The following AFDN variants were observed in gnomAD, a reference collection of about 807,000 sequenced individuals.
AFDN encodes the protein afadin, adherens junction formation factor.
Under a neutral mutation model 216.6 loss-of-function variants are expected in AFDN, and 68 were observed. The ratio of observed to expected loss-of-function variants is 0.31; its 90% confidence interval spans 0.26 to 0.38. The LOEUF (loss-of-function observed/expected upper bound fraction) is 0.38, where lower values mean the gene tolerates loss of function less well. Ranked by LOEUF, AFDN falls within the 10% of genes least tolerant of loss-of-function variation. The probability of loss-of-function intolerance (pLI) is 1.00; values close to 1 mark genes in which losing one functional copy is unlikely to be tolerated. For synonymous variants in AFDN, 868 were observed against 853.7 expected (o/e 1.02, Z -0.29); for missense variants, 2,136 against 2,342.0 (o/e 0.91, Z 1.82).
rs143916805 is a variant in AFDN, at chr6:167,862,271, A to G, written c.106-2280A>G. Among the ~76,000 whole-genome samples, 105 of 152,326 alleles carry G rather than the reference A, an allele frequency of 6.9e-4. 2 individuals carry two copies. The highest frequency in any genetic ancestry group is 2.5e-3 in the African/African-American group (102 of 41,580). On this transcript the variant is annotated intron_variant, in intron 1 of 33. Coordinates refer to ENST00000683244, the MANE Select transcript of AFDN (RefSeq NM_001386888.1). ...ACAGTGCGTAGGACGTGGTCAGCACAGTACCTGGCACATAGGCGGTGAGCG... is the reference window on the plus strand; with the variant it reads ...ACAGTGCGTAGGACGTGGTCAGCACGGTACCTGGCACATAGGCGGTGAGCG...
At chr6:167,873,883 C>T (rs921763962) in intron 4 of AFDN, among the ~76,000 whole-genome samples, 2 of 152,104 alleles carry the variant, frequency 1.3e-5, no homozygotes, top group African/African-American at 4.8e-5. Context: ...AACCATTTGT[C>T]AGTGAATAAG....
In AFDN at chr6:167,965,912, C is replaced by G; in HGVS notation, c.5124C>G (p.Pro1708=). 1 of 1,549,964 alleles carries G rather than the reference C, an allele frequency of 6.5e-7. No homozygotes were observed. Among genetic ancestry groups the G allele is most frequent in the East Asian group, 2.4e-5 (1 of 40,886 alleles). Reference sequence around the variant, plus strand: ...AGCCCCCGTCCCCGTCCCCCGCGCCCGGCGCCCCTCCTCCCCCGCCTCAGC... The same window carrying G: ...AGCCCCCGTCCCCGTCCCCCGCGCCGGGCGCCCCTCCTCCCCCGCCTCAGC... The part of the protein sequence containing the change: ...DYEPPSPSPA[P]GAPPPPPQRN... The change falls in exon 32 of 34, where the codon CCC becomes CCG. Residue 1708 remains proline (P), a synonymous_variant. Coordinates refer to ENST00000683244, the MANE Select transcript of AFDN (RefSeq NM_001386888.1).
intron 1 of AFDN, 40 bp from the exon 2 acceptor site, chr6:167,864,511 A>G (rs781315227): frequency 4.5e-6 from 7 of 1,551,926 alleles, no homozygotes; most frequent in Non-Finnish European, 5.3e-6. Flanking sequence ...CCTTTTCAGA[A>G]TGTTGTTTTC....
At chr6:167,842,879 G>T (rs1037761508) in intron 1 of AFDN, among the ~76,000 whole-genome samples, 2 of 152,014 alleles carry the variant, frequency 1.3e-5, no homozygotes, top group Non-Finnish European at 2.9e-5. Context: ...AGCATCTCCA[G>T]TAAAGTTTTA....
intron 31 of AFDN, chr6:167,964,098 A>T (rs1797298940): frequency 9.4e-7 from 1 of 1,063,976 alleles, no homozygotes; most frequent in Non-Finnish European, 1.1e-6. Context: ...TGGGTTATTT[A>T]ATTTTTCCAA....
At chr6:167,897,040 G>T (rs1045808596) in intron 10 of AFDN, 68 bp downstream of exon 10, 16 of 786,598 alleles carry the variant, frequency 2.0e-5, no homozygotes, top group Non-Finnish European at 3.4e-5. Flanking sequence ...TACAGAGCCT[G>T]CCACATGGTA....
At chr6:167,827,270 C>T in intron 1 of AFDN, 33 bp downstream of exon 1, 5 of 946,584 alleles carry the variant, frequency 5.3e-6, no homozygotes, top group South Asian at 4.3e-5. Flanking sequence ...CCTGCGCGAC[C>T]CCCGCCCGCT....
At position 167,906,065 on chromosome 6, in the gene AFDN, T is replaced by C. The variant is rs1194757766; in HGVS notation, c.1651-1106T>C. 3.9e-5 allele frequency among the ~76,000 whole-genome samples: 6 copies of C among 152,250 alleles called. No individual in the cohort carries two copies. In the East Asian group the frequency reaches 1.2e-3, roughly 29 times the overall value. On this transcript the variant is annotated intron_variant, in intron 12 of 33. Transcript: ENST00000683244. The stretch of plus-strand genomic sequence containing the variant: ...TTGCAGTGAGCTGAGATCGCGCCAC[T>C]GCACTCCAGCCTGGGTGACAGAGCG...
intron 30 of AFDN, among the ~76,000 whole-genome samples, chr6:167,959,309 G>A (rs372367161): frequency 1.3e-5 from 2 of 152,210 alleles, no homozygotes; most frequent in African/African-American, 2.4e-5. Flanking sequence ...GGTTTTTCCT[G>A]TGTCATTTAA....
At chr6:167,880,833 A>G (rs1280798665) in intron 6 of AFDN, among the ~76,000 whole-genome samples, 1 of 152,214 alleles carries the variant, frequency 6.6e-6, no homozygotes, top group Non-Finnish European at 1.5e-5. Context: ...ACATATGTCT[A>G]TCTTTTTACC....
chr6:167,877,236 A>G (rs1413600207), intron 5 of AFDN, among the ~76,000 whole-genome samples: 1 of 152,190 alleles, frequency 6.6e-6, no homozygotes, highest in Non-Finnish European at 1.5e-5. Context: ...GATGGACTGT[A>G]GAATGAAAGA....
intron 1 of AFDN, among the ~76,000 whole-genome samples, chr6:167,856,813 T>C (rs1342210277): frequency 6.6e-6 from 1 of 152,134 alleles, no homozygotes; most frequent in African/African-American, 2.4e-5. Flanking sequence ...TGTTTTAGTG[T>C]CATATATATA....
chr6:167,884,929 G>A (rs1583277590), intron 6 of AFDN, among the ~76,000 whole-genome samples: 1 of 152,302 alleles, frequency 6.6e-6, no homozygotes, highest in Non-Finnish European at 1.5e-5. Context: ...TTGAAAATCT[G>A]TTATTTAGTG....
chr6:167,867,480 A>G (rs187104186), intron 2 of AFDN, among the ~76,000 whole-genome samples: 2,948 of 139,730 alleles, frequency 0.021, 55 homozygotes, highest in Non-Finnish European at 0.034. Flanking sequence ...CCCAGGCTGG[A>G]GTGCAGCGGC....
rs1446030327 is a variant in AFDN, at chr6:167,965,843, C to T, written c.5055C>T (p.Pro1685=). 10 of 1,550,492 alleles carry T rather than the reference C, an allele frequency of 6.4e-6. No individual in the cohort carries two copies. Among genetic ancestry groups the T allele is most frequent in the African/African-American group, 1.4e-5 (1 of 73,230 alleles). The change falls in exon 32 of 34, where the codon CCC becomes CCT. Residue 1685 remains proline, a synonymous_variant. Coordinates refer to ENST00000683244, the MANE Select transcript of AFDN (RefSeq NM_001386888.1). ...AGGCGGCGCGCAGGTTGCTGGAGCC[C>T]GAGGCGCCCGGTCTGTGCCGCCCTC... The part of the protein sequence containing the change: ...HDEAARRLLE[P]EAPGLCRPPL...
At position 167,970,215 on chromosome 6, in the gene AFDN, T is replaced by C; in HGVS notation, c.*280T>C. On this transcript the variant is annotated 3_prime_UTR_variant, in exon 34 of 34. Coordinates refer to ENST00000683244, the MANE Select transcript of AFDN (RefSeq NM_001386888.1). ...TTTGTTGGTTTCTTTTTTGGAGTCCTGAGTTCAAAGGGGACAGAACTAAGG... is the reference window on the plus strand; with the variant it reads ...TTTGTTGGTTTCTTTTTTGGAGTCCCGAGTTCAAAGGGGACAGAACTAAGG... 1 of 375,246 alleles carries C rather than the reference T, an allele frequency of 2.7e-6. No homozygotes were observed. 23.2% of individuals were successfully genotyped at this position (375,246 alleles called of 1,614,324 possible). A position where few individuals can be genotyped will look rare whatever the true frequency, so the allele number is the denominator to read the frequency against.
intron 6 of AFDN, among the ~76,000 whole-genome samples, chr6:167,885,103 T>C (rs941115627): frequency 2.6e-5 from 4 of 152,178 alleles, no homozygotes; most frequent in African/African-American, 9.7e-5. Flanking sequence ...CTCACCTCTC[T>C]CAGCCTTCAT....
intron 6 of AFDN, 60 bp from the exon 7 acceptor site, chr6:167,889,155 A>T: frequency 9.1e-7 from 1 of 1,099,202 alleles, no homozygotes; most frequent in Non-Finnish European, 1.4e-6. Flanking sequence ...GTGTTCTTTT[A>T]AGTACTTGTT....
At chr6:167,844,134 C>T (rs1781366747) in intron 1 of AFDN, among the ~76,000 whole-genome samples, 1 of 151,152 alleles carries the variant, frequency 6.6e-6, no homozygotes, top group South Asian at 2.1e-4. Flanking sequence ...GGAATTTTTA[C>T]AGTGTGTCTT....
Sources: gnomAD v4.1 joint callset for allele counts (sites outside exome capture counted in the v4.1 genomes callset) on GRCh38, gnomAD v4.1.1 for gene constraint, MANE v1.5 for transcripts, NCBI Gene and HGNC (gene_info 2026-07-23, HGNC 2026-07-21) for gene names.